Variants in BBX observed in about 807,000 individuals in gnomAD.
BBX encodes BBX high mobility group box domain containing, also known as HMG box transcription factor BBX.
In BBX, 30 loss-of-function variants were observed where a neutral mutation model predicts 100.2. That is an observed-to-expected ratio of 0.30 (90% confidence interval 0.22 to 0.41). The LOEUF is 0.41. Ranked by LOEUF, BBX falls within the 10% of genes least tolerant of loss-of-function variation. BBX has a pLI of 1.00. For synonymous variants in BBX, 376 were observed against 388.1 expected (o/e 0.97, Z 0.37); for missense variants, 1,023 against 1,129.8 (o/e 0.91, Z 1.35).
At chr3:107,654,787 A>G (rs899468471) in intron 3 of BBX, among the ~76,000 whole-genome samples, 10 of 152,156 alleles carry the variant, frequency 6.6e-5, no homozygotes, top group African/African-American at 2.4e-4. Context: ...TCAGCTGTTT[A>G]CCGTAACTGG....
At chr3:107,715,428 C>G (rs991648486) in intron 4 of BBX, among the ~76,000 whole-genome samples, 1 of 152,144 alleles carries the variant, frequency 6.6e-6, no homozygotes. Flanking sequence ...TATCCCTAAT[C>G]CAAAAATTCG....
At chr3:107,757,680 C>T (rs2065593177) in intron 10 of BBX, among the ~76,000 whole-genome samples, 1 of 152,154 alleles carries the variant, frequency 6.6e-6, no homozygotes, top group South Asian at 2.1e-4. Context: ...GATTAACCAG[C>T]ATCTCCAAAT....
chr3:107,526,372 C>G lies in BBX; in HGVS notation c.-110C>G. ...GCTTTGCCGCAGTTCATCTTCCTCC[C>G]TGTGTACTTTCCATTTGCCTTCCTG... On this transcript the variant is annotated 5_prime_UTR_variant, in exon 2 of 18. Transcript: ENST00000325805. The G allele has an allele frequency of 2.5e-6, 1 of 398,660 alleles. No individual in the cohort carries two copies. Among genetic ancestry groups the G allele is most frequent in the Middle Eastern group, 6.3e-4 (1 of 1,588 alleles). 24.7% of individuals were successfully genotyped at this position (398,660 alleles called of 1,614,324 possible).
intron 3 of BBX, among the ~76,000 whole-genome samples, chr3:107,655,160 G>T (rs962575941): frequency 2.0e-5 from 3 of 152,038 alleles, no homozygotes; most frequent in African/African-American, 4.8e-5. Flanking sequence ...TTTATTGTTG[G>T]ATTTCTTAAA....
chr3:107,779,463 T>C (rs78703726), intron 13 of BBX, among the ~76,000 whole-genome samples: 9,317 of 152,100 alleles, frequency 0.061, 426 homozygotes, highest in Non-Finnish European at 0.082. Flanking sequence ...TATAAGGACA[T>C]GGAATAGAGA....
chr3:107,750,477 T>C (rs2064994468), intron 9 of BBX, among the ~76,000 whole-genome samples: 1 of 152,224 alleles, frequency 6.6e-6, no homozygotes, highest in African/African-American at 2.4e-5. Flanking sequence ...TTTGTAACCA[T>C]TGGTAATAGC....
intron 2 of BBX, among the ~76,000 whole-genome samples, chr3:107,606,703 G>A (rs1042190617): frequency 6.6e-6 from 1 of 151,932 alleles, no homozygotes; most frequent in African/African-American, 2.4e-5. Flanking sequence ...TGGAGTATGT[G>A]GGATATTTTG....
chr3:107,637,526 G>T (rs1261666202), intron 2 of BBX, among the ~76,000 whole-genome samples: 1 of 152,340 alleles, frequency 6.6e-6, no homozygotes, highest in Non-Finnish European at 1.5e-5. Context: ...CATGGCAGTA[G>T]CCCTGGGTTC....
At chr3:107,776,067 A>T (rs1440310741) in intron 12 of BBX, 1 of 152,160 alleles carries the variant, frequency 6.6e-6, no homozygotes, top group Non-Finnish European at 1.5e-5. Flanking sequence ...GTAAATGCAG[A>T]ATATCATTTT....
At chr3:107,541,224 A>T (rs1305256913) in intron 2 of BBX, among the ~76,000 whole-genome samples, 1 of 152,160 alleles carries the variant, frequency 6.6e-6, no homozygotes, top group Non-Finnish European at 1.5e-5. Context: ...TTGACCTAGG[A>T]TATTGAGTTT....
chr3:107,649,872 G>A (rs2057738135), intron 3 of BBX, among the ~76,000 whole-genome samples: 1 of 152,082 alleles, frequency 6.6e-6, no homozygotes, highest in African/African-American at 2.4e-5. Context: ...TGGGAATTTG[G>A]AAGTCCCAAG....
At chr3:107,538,295 G>C (rs1036663035) in intron 2 of BBX, among the ~76,000 whole-genome samples, 2 of 152,172 alleles carry the variant, frequency 1.3e-5, no homozygotes, top group Non-Finnish European at 2.9e-5. Context: ...TTGAGGAATG[G>C]GATCACACAT....
chr3:107,762,321 T>C (rs16853820), intron 10 of BBX, among the ~76,000 whole-genome samples: 18,936 of 152,208 alleles, frequency 0.12, 1,409 homozygotes, highest in African/African-American at 0.19. Flanking sequence ...AATCACCGTT[T>C]CACCTAGTCC....
chr3:107,642,339 G>C (rs537165155), intron 2 of BBX, among the ~76,000 whole-genome samples: 38 of 152,320 alleles, frequency 2.5e-4, no homozygotes, highest in African/African-American at 8.2e-4. Flanking sequence ...ATAAAATAAT[G>C]AGTCAAGAAG....
intron 2 of BBX, among the ~76,000 whole-genome samples, chr3:107,590,255 AT>A (rs538869926): frequency 1.1e-3 from 163 of 152,104 alleles, no homozygotes; most frequent in African/African-American, 3.4e-3. Flanking sequence ...ATAGGCATCT[AT>A]TTTTTTATTG....
intron 3 of BBX, among the ~76,000 whole-genome samples, chr3:107,708,084 C>G (rs1467369845): frequency 6.6e-6 from 1 of 152,164 alleles, no homozygotes; most frequent in East Asian, 1.9e-4. Context: ...CAACCATTTC[C>G]TCTTCTTTCT....
Position 107,725,917 on chromosome 3 carries a change from A to G in BBX, c.406-2848A>G, listed in dbSNP as rs1049953545. Reference sequence around the variant, plus strand: ...CAGTATTTTTAACAAAAATGTTGTTATCTGAGAGAGTCTTCCATTGAAATC... The same window carrying G: ...CAGTATTTTTAACAAAAATGTTGTTGTCTGAGAGAGTCTTCCATTGAAATC... On this transcript the variant is annotated intron_variant, in intron 5 of 17. Transcript: ENST00000325805. 2.0e-5 allele frequency among the ~76,000 whole-genome samples: 3 copies of G among 152,066 alleles called. No individual in the cohort carries two copies. The South Asian group carries it at 6.2e-4, about 31-fold the overall frequency.
chr3:107,789,159 G>A (rs1212686825), intron 13 of BBX, among the ~76,000 whole-genome samples: 1 of 151,490 alleles, frequency 6.6e-6, no homozygotes, highest in East Asian at 1.9e-4. Context: ...GCTGTTGCTG[G>A]TATTTCTGAT....
At chr3:107,798,499 T>C in intron 15 of BBX, 24 bp from the exon 16 acceptor site, 3 of 1,606,536 alleles carry the variant, frequency 1.9e-6, no homozygotes, top group Non-Finnish European at 1.7e-6. Flanking sequence ...TGTGCATAAC[T>C]ATGCATGGTA....
Sources: allele counts gnomAD v4.1 joint callset (sites outside exome capture counted in the v4.1 genomes callset), GRCh38; gene constraint gnomAD v4.1.1; transcripts MANE v1.5; gene names NCBI Gene and HGNC (gene_info 2026-07-23, HGNC 2026-07-21).